Variants in GPR22 observed in about 807,000 individuals in gnomAD.
GPR22 encodes the protein G-protein coupled receptor 22.
Under a neutral mutation model 31.0 loss-of-function variants are expected in GPR22, and 13 were observed. That is an observed-to-expected ratio of 0.42 (90% CI 0.27 to 0.67). GPR22 has a LOEUF of 0.67. GPR22 is among the 30% of genes least tolerant of loss of function. The pLI is 0.25. For missense variants in GPR22, 368 were observed against 509.6 expected (o/e 0.72, Z 2.67); for synonymous variants, 191 against 173.4 (o/e 1.10, Z -0.80).
chr7:107,477,689 T>G (rs1339773595), downstream of GPR22, among the ~76,000 whole-genome samples: 1 of 151,764 alleles, frequency 6.6e-6, no homozygotes, highest in African/African-American at 2.4e-5. Context: ...ATGTGCTAAG[T>G]AGTATATAAT....
downstream of GPR22, among the ~76,000 whole-genome samples, chr7:107,476,193 A>AAAAAAAAAAAAAAAAAAAAAAAAAT (rs1796980090): frequency 9.8e-6 from 1 of 102,006 alleles, no homozygotes. Flanking sequence ...TTAAAAAAAA[A>AAAAAAAAAAAAAAAAAAAAAAAAAT]AAAAAAAAAA....
downstream of GPR22, among the ~76,000 whole-genome samples, chr7:107,477,515 A>G (rs1420662293): frequency 6.6e-6 from 1 of 151,822 alleles, no homozygotes; most frequent in Non-Finnish European, 1.5e-5. Flanking sequence ...GGTAAATATT[A>G]TATTGCCCTT....
At position 107,475,313 on chromosome 7, in the gene GPR22, A is replaced by G. The variant is rs1449488940; in HGVS notation, c.1253A>G (p.Asp418Gly). 6.3e-7 allele frequency: 1 copy of G among 1,577,104 alleles called. No individual in the cohort carries two copies. The highest frequency in any genetic ancestry group is 8.6e-7 in the Non-Finnish European group (1 of 1,166,044). Residue 418 changes from aspartate to glycine, a missense_variant, in exon 3 of 3, where the codon GAT becomes GGT. Coordinates refer to ENST00000304402, the MANE Select transcript of GPR22 (RefSeq NM_005295.3). ...PKRNKKITFEDSEIREKCLVP... is the reference protein window; with the variant it reads ...PKRNKKITFEGSEIREKCLVP... ...AGAAACAAAAAAATTACCTTTGAAGATAGTGAAATAAGAGAAAAATGTTTA... is the reference window on the plus strand; with the variant it reads ...AGAAACAAAAAAATTACCTTTGAAGGTAGTGAAATAAGAGAAAAATGTTTA...
chr7:107,475,342 C>T lies in GPR22; in HGVS notation c.1282C>T (p.Pro428Ser), dbSNP rs762138070. Residue 428 changes from proline to serine, a missense_variant, in exon 3 of 3, where the codon CCT (proline) becomes TCT (serine). Coordinates refer to ENST00000304402, the MANE Select transcript of GPR22 (RefSeq NM_005295.3). ...TGAAATAAGAGAAAAATGTTTAGTG[C>T]CTCAGGTTGTCACAGACTAGAGAAA... ...DSEIREKCLVPQVVTD is the reference protein window; with the variant it reads ...DSEIREKCLVSQVVTD 9 of 1,532,658 alleles carry T rather than the reference C, an allele frequency of 5.9e-6. No homozygotes were observed. The highest frequency in any genetic ancestry group is 7.9e-6 in the Non-Finnish European group (9 of 1,136,740). 94.9% of individuals were successfully genotyped at this position (1,532,658 alleles called of 1,614,324 possible).
chr7:107,472,363 T>C (rs1031473309), intron 2 of GPR22, 61 bp downstream of exon 2: 1 of 151,984 alleles, frequency 6.6e-6, no homozygotes, highest in African/African-American at 2.4e-5. Flanking sequence ...AAAACTGTCA[T>C]AGTGAACCAA....
downstream of GPR22, among the ~76,000 whole-genome samples, chr7:107,476,268 T>C (rs560742454): frequency 7.8e-5 from 11 of 140,248 alleles, no homozygotes; most frequent in Non-Finnish European, 1.7e-4. Flanking sequence ...TTTTGTATAA[T>C]AGAAAGTTAA....
At chr7:107,473,849 C>A (rs1198211745) in intron 2 of GPR22, among the ~76,000 whole-genome samples, 186 bp from the exon 3 acceptor site, 2 of 151,886 alleles carry the variant, frequency 1.3e-5, no homozygotes, top group East Asian at 3.9e-4. Context: ...AAGGAAAACA[C>A]AATTTTCTTT....
chr7:107,474,390 C>T lies in GPR22; in HGVS notation c.330C>T (p.Asn110=), dbSNP rs762245113. The change falls in exon 3 of 3, where the codon AAC becomes AAT. Residue 110 remains asparagine, a synonymous_variant. Transcript: ENST00000304402. The surrounding 1 kb of genome is among the most constrained non-coding windows in gnomAD (Gnocchi z 5.7). ...IVILLLSLES[N]TALICCFHEA... ...TCCTTCTGCTTTCACTGGAGAGTAA[C>T]ACTGCTCTCATTTGCTGTTTCCATG... The T allele has an allele frequency of 1.5e-5, 24 of 1,611,250 alleles. No individual in the cohort carries two copies. The highest frequency in any genetic ancestry group is 2.0e-5 in the Non-Finnish European group (23 of 1,177,558).
Position 107,475,339 on chromosome 7 carries a change from G to A in GPR22, c.1279G>A (p.Val427Met). 1.3e-6 allele frequency: 2 copies of A among 1,540,898 alleles called. No individual in the cohort carries two copies. The highest frequency in any genetic ancestry group is 1.8e-6 in the Non-Finnish European group (2 of 1,142,502). Residue 427 changes from valine to methionine, a missense_variant, in exon 3 of 3, where the codon GTG becomes ATG. Coordinates refer to ENST00000304402, the MANE Select transcript of GPR22 (RefSeq NM_005295.3). Reference sequence around the variant, plus strand: ...TAGTGAAATAAGAGAAAAATGTTTAGTGCCTCAGGTTGTCACAGACTAGAG... The same window carrying A: ...TAGTGAAATAAGAGAAAAATGTTTAATGCCTCAGGTTGTCACAGACTAGAG... The part of the protein sequence containing the change: ...EDSEIREKCL[V>M]PQVVTD
At chr7:107,473,851 ATTTTC>A (rs1796803633) in intron 2 of GPR22, among the ~76,000 whole-genome samples, 179 bp from the exon 3 acceptor site, 1 of 151,944 alleles carries the variant, frequency 6.6e-6, no homozygotes, top group Non-Finnish European at 1.5e-5. Context: ...GGAAAACACA[ATTTTC>A]TTTTATATCA....
chr7:107,476,514 A>G (rs1351948909), downstream of GPR22, among the ~76,000 whole-genome samples: 1 of 151,600 alleles, frequency 6.6e-6, no homozygotes, highest in East Asian at 1.9e-4. Context: ...ACTTAATTTA[A>G]CTTTAGGCAT....
In GPR22 at chr7:107,475,153, C is replaced by T. The variant is rs754802816; in HGVS notation, c.1093C>T (p.Leu365=). Residue 365 remains leucine, a synonymous_variant, in exon 3 of 3, where the codon CTA becomes TTA. Coordinates refer to ENST00000304402, the MANE Select transcript of GPR22 (RefSeq NM_005295.3). The part of the protein sequence containing the change: ...MAYGTTIFHP[L]LYAFTRQKFQ... ...TTATGGAACAACTATATTTCACCCT[C>T]TATTATATGCATTCACTAGACAAAA... 4 of 1,609,320 alleles carry T rather than the reference C, an allele frequency of 2.5e-6. No homozygotes were observed. In the South Asian group the frequency reaches 4.4e-5, roughly 18 times the overall value.
At position 107,474,052 on chromosome 7, in the gene GPR22, T is replaced by G; in HGVS notation, c.-9T>G. ...CTTTCTAGGGAAAAAAACCAACTGC[T>G]CCAAAAGAATGTGTTTTTCTCCCAT... On this transcript the variant is annotated 5_prime_UTR_variant, in exon 3 of 3. Transcript: ENST00000304402. The surrounding 1 kb of genome is among the most constrained non-coding windows in gnomAD (Gnocchi z 5.7). 1 of 1,485,878 alleles carries G rather than the reference T, an allele frequency of 6.7e-7. No homozygotes were observed. The highest frequency in any genetic ancestry group is 9.2e-7 in the Non-Finnish European group (1 of 1,092,648). The allele number at this position is 1,485,878 out of a possible 1,614,324, so 92.0% of individuals were successfully genotyped here.
chr7:107,474,885 T>A lies in GPR22; in HGVS notation c.825T>A (p.Ser275Arg). Reference sequence around the variant, plus strand: ...AGGCTACAGACATGTCACAAAGCAGTGGTGGGAGAAATGTAGTCTTTGGTG... The same window carrying A: ...AGGCTACAGACATGTCACAAAGCAGAGGTGGGAGAAATGTAGTCTTTGGTG... The part of the protein sequence containing the change: ...QHEATDMSQS[S>R]GGRNVVFGVR... The change falls in exon 3 of 3, where the codon AGT (serine) becomes AGA (arginine). Residue 275 changes from serine (S) to arginine (R), a missense_variant. Transcript: ENST00000304402. The surrounding 1 kb of genome is among the most constrained non-coding windows in gnomAD (Gnocchi z 5.7). 1.9e-6 allele frequency: 3 copies of A among 1,613,204 alleles called. No individual in the cohort carries two copies. The highest frequency in any genetic ancestry group is 2.5e-6 in the Non-Finnish European group (3 of 1,179,492).
chr7:107,476,876 T>C (rs1206133914), downstream of GPR22, among the ~76,000 whole-genome samples: 1 of 151,702 alleles, frequency 6.6e-6, no homozygotes, highest in African/African-American at 2.4e-5. Flanking sequence ...GTTTACTGAA[T>C]ACCCTAATCC....
chr7:107,475,302 T>A lies in GPR22; in HGVS notation c.1242T>A (p.Ile414=), dbSNP rs748887393. The change falls in exon 3 of 3, where the codon ATT becomes ATA. Residue 414 remains isoleucine, a synonymous_variant. Coordinates refer to ENST00000304402, the MANE Select transcript of GPR22 (RefSeq NM_005295.3). ...TAGATCCTAAAAGAAACAAAAAAATTACCTTTGAAGATAGTGAAATAAGAG... is the reference window on the plus strand; with the variant it reads ...TAGATCCTAAAAGAAACAAAAAAATAACCTTTGAAGATAGTGAAATAAGAG... ...SWIDPKRNKK[I]TFEDSEIREK... 1.3e-6 allele frequency: 2 copies of A among 1,591,432 alleles called. No homozygotes were observed. Among genetic ancestry groups the A allele is most frequent in the African/African-American group, 1.4e-5 (1 of 73,620 alleles).
At chr7:107,477,516 T>C (rs1455231483), downstream of GPR22, among the ~76,000 whole-genome samples, 1 of 151,796 alleles carries the variant, frequency 6.6e-6, no homozygotes, top group East Asian at 1.9e-4. Context: ...GTAAATATTA[T>C]ATTGCCCTTT....
intron 2 of GPR22, among the ~76,000 whole-genome samples, chr7:107,473,523 T>A (rs1563054919): frequency 6.6e-6 from 1 of 151,960 alleles, no homozygotes; most frequent in Non-Finnish European, 1.5e-5. Context: ...GGATAAAGCA[T>A]CTTAAACTAG....
chr7:107,474,761 T>C lies in GPR22; in HGVS notation c.701T>C (p.Ile234Thr). Residue 234 changes from isoleucine (I) to threonine (T), a missense_variant, in exon 3 of 3, where the codon ATA (isoleucine) becomes ACA (threonine). Transcript: ENST00000304402. The surrounding 1 kb of genome is among the most constrained non-coding windows in gnomAD (Gnocchi z 5.7). ...VVVMLITYTK[I>T]LQALNIRIGT... The stretch of plus-strand genomic sequence containing the variant: ...GTAATGTTAATCACATACACCAAAA[T>C]ACTTCAGGCTCTTAATATTCGAATA... 1.2e-6 allele frequency: 2 copies of C among 1,611,078 alleles called. No homozygotes were observed. Among genetic ancestry groups the C allele is most frequent in the South Asian group, 1.1e-5 (1 of 90,686 alleles).
Sources: gnomAD v4.1 joint callset for allele counts (sites outside exome capture counted in the v4.1 genomes callset) on GRCh38, gnomAD v4.1.1 for gene constraint, Gnocchi (gnomAD v3.1) non-coding constraint, MANE v1.5 for transcripts, NCBI Gene and HGNC (gene_info 2026-07-23, HGNC 2026-07-21) for gene names.